The following FBLN5 variants were observed in gnomAD, a reference collection of about 807,000 sequenced individuals.
The protein encoded by FBLN5 is fibulin 5.
A neutral mutation model predicts 61.6 loss-of-function variants in FBLN5; 24 were observed. That is an observed-to-expected ratio of 0.39 (90% confidence interval 0.28 to 0.55). The LOEUF (loss-of-function observed/expected upper bound fraction) is 0.55, where lower values mean the gene tolerates loss of function less well. Among genes scored for constraint, FBLN5 ranks in the 20% least tolerant of loss-of-function variants. The pLI is 0.65. For synonymous variants in FBLN5, 213 were observed against 219.8 expected (o/e 0.97, Z 0.27); for missense variants, 470 against 594.1 (o/e 0.79, Z 2.17).
At chr14:91,927,886 T>C (rs531422078) in intron 4 of FBLN5, among the ~76,000 whole-genome samples, 6 of 152,354 alleles carry the variant, frequency 3.9e-5, no homozygotes, top group Non-Finnish European at 7.3e-5. Context: ...GTAACATGAC[T>C]AGACCAAGGA....
intron 3 of FBLN5, 86 bp downstream of exon 3, chr14:91,940,479 T>C (rs2056088236): frequency 8.9e-7 from 1 of 1,123,132 alleles, no homozygotes; most frequent in Admixed American, 1.7e-5. Context: ...GCATGGCTAA[T>C]CATTGAACAA....
chr14:91,909,213 G>A (rs748491772), intron 4 of FBLN5, among the ~76,000 whole-genome samples: 1 of 152,060 alleles, frequency 6.6e-6, no homozygotes, highest in Non-Finnish European at 1.5e-5. Flanking sequence ...CACCGCGCCC[G>A]GCCAGGAATC....
chr14:91,920,546 G>T (rs565275532), intron 4 of FBLN5, among the ~76,000 whole-genome samples: 64 of 152,088 alleles, frequency 4.2e-4, no homozygotes, highest in Non-Finnish European at 2.1e-4. Context: ...GCTGCCAATG[G>T]CCTGCCAGGT....
At chr14:91,888,307 AT>A (rs1566804854) in intron 6 of FBLN5, among the ~76,000 whole-genome samples, 1 of 150,582 alleles carries the variant, frequency 6.6e-6, no homozygotes, top group Non-Finnish European at 1.5e-5. Flanking sequence ...TCAAAAAAAA[AT>A]AAAATAAAAT....
At chr14:91,941,790 T>C (rs1353725533) in intron 2 of FBLN5, among the ~76,000 whole-genome samples, 1 of 151,260 alleles carries the variant, frequency 6.6e-6, no homozygotes, top group African/African-American at 2.4e-5. Context: ...TGGGGGGGTA[T>C]GTACGTAGTT....
intron 10 of FBLN5, among the ~76,000 whole-genome samples, chr14:91,872,287 C>A (rs1008476296): frequency 6.6e-6 from 1 of 152,146 alleles, no homozygotes; most frequent in African/African-American, 2.4e-5. Context: ...TCAGAAGAGG[C>A]TGATGTGTGT....
At chr14:91,902,101 C>T (rs1890475494) in intron 4 of FBLN5, among the ~76,000 whole-genome samples, 1 of 152,170 alleles carries the variant, frequency 6.6e-6, no homozygotes, top group African/African-American at 2.4e-5. Flanking sequence ...ACTTTAGTTG[C>T]TTTCAAACTG....
At chr14:91,930,186 A>G (rs953904426) in intron 4 of FBLN5, among the ~76,000 whole-genome samples, 6 of 152,236 alleles carry the variant, frequency 3.9e-5, no homozygotes, top group Non-Finnish European at 8.8e-5. Context: ...GGAAGCCCCT[A>G]TGATAAGCCA....
intron 10 of FBLN5, among the ~76,000 whole-genome samples, chr14:91,875,110 A>G (rs1010502547): frequency 2.6e-5 from 4 of 152,200 alleles, no homozygotes; most frequent in African/African-American, 9.7e-5. Flanking sequence ...GATTACAGGC[A>G]TGAGCCCCTG....
At chr14:91,945,330 G>A (rs1402871216) in intron 1 of FBLN5, among the ~76,000 whole-genome samples, 1 of 152,162 alleles carries the variant, frequency 6.6e-6, no homozygotes, top group Non-Finnish European at 1.5e-5. Flanking sequence ...GCTTGTGGGT[G>A]TGGATGCCAG....
intron 1 of FBLN5, chr14:91,946,874 C>T (rs1308405690): frequency 1.4e-6 from 2 of 1,481,052 alleles, no homozygotes; most frequent in Admixed American, 2.6e-5. Context: ...AATTGGCCTC[C>T]CGAAATTTAA....
intron 4 of FBLN5, among the ~76,000 whole-genome samples, chr14:91,922,549 C>T (rs149191960): frequency 0.023 from 3,520 of 152,150 alleles, 62 homozygotes; most frequent in Non-Finnish European, 0.036. Context: ...CACAACAGAC[C>T]ACAGGCCAGT....
At chr14:91,875,004 T>A (rs2267991) in intron 10 of FBLN5, among the ~76,000 whole-genome samples, 1 of 151,772 alleles carries the variant, frequency 6.6e-6, no homozygotes, top group Non-Finnish European at 1.5e-5. Context: ...TTTTTTAATC[T>A]TTTTTTGTAG....
chr14:91,908,047 C>T (rs999107314), intron 4 of FBLN5, among the ~76,000 whole-genome samples: 1 of 152,178 alleles, frequency 6.6e-6, no homozygotes, highest in Non-Finnish European at 1.5e-5. Flanking sequence ...CAAGAGTCTG[C>T]TCATAAGTGC....
chr14:91,883,604 C>G (rs1379685826), intron 7 of FBLN5, among the ~76,000 whole-genome samples: 1 of 140,376 alleles, frequency 7.1e-6, no homozygotes, highest in Non-Finnish European at 1.5e-5. Context: ...AGGGACATAT[C>G]CAAAAGGCCA....
chr14:91,896,815 T>C (rs1890245747), intron 4 of FBLN5, among the ~76,000 whole-genome samples: 7 of 152,200 alleles, frequency 4.6e-5, no homozygotes, highest in Admixed American at 4.6e-4. Context: ...CACTGCAGAT[T>C]GCAGACTTGA....
intron 4 of FBLN5, among the ~76,000 whole-genome samples, chr14:91,930,187 T>A (rs1045694176): frequency 1.3e-5 from 2 of 152,200 alleles, no homozygotes; most frequent in African/African-American, 4.8e-5. Context: ...GAAGCCCCTA[T>A]GATAAGCCAG....
rs562748923 is a variant in FBLN5, at chr14:91,941,314, A to G, written c.73-698T>C. Among the ~76,000 whole-genome samples the G allele has an allele frequency of 2.0e-5, 3 of 152,344 alleles. No homozygotes were observed. In the South Asian group the frequency reaches 6.2e-4, roughly 32 times the overall value. On this transcript the variant is annotated intron_variant, in intron 2 of 10. Transcript: ENST00000342058. ...CAACCTCAGCAAGATGACGACATAA[A>G]GATGCTTCCAGAAAGAGATAGATCT... is the stretch of plus-strand genomic sequence containing the variant.
At position 91,946,613 on chromosome 14, in the gene FBLN5, A is replaced by G. The variant is rs1031676415; in HGVS notation, c.17+600T>C. ...GTATGTTTTCAAGAGCTCGCTGAAT[A>G]AAGACTGTGGGTGTCATTTAGGTAA... On this transcript the variant is annotated intron_variant, in intron 1 of 10. Coordinates refer to ENST00000342058, the MANE Select transcript of FBLN5 (RefSeq NM_006329.4). 131 of 947,774 alleles carry G rather than the reference A, an allele frequency of 1.4e-4. No individual in the cohort carries two copies. The East Asian group carries it at 3.2e-3, about 23-fold the overall frequency. 58.7% of individuals were successfully genotyped at this position (947,774 alleles called of 1,614,324 possible).
Sources: gnomAD v4.1 joint callset for allele counts (sites outside exome capture counted in the v4.1 genomes callset) on GRCh38, gnomAD v4.1.1 for gene constraint, MANE v1.5 for transcripts, NCBI Gene and HGNC (gene_info 2026-07-23, HGNC 2026-07-21) for gene names.